The following DZANK1 variants were observed in gnomAD, a reference collection of about 807,000 sequenced individuals.
DZANK1 encodes the protein double zinc ribbon and ankyrin repeat-containing protein 1.
Under a neutral mutation model 94.5 loss-of-function variants are expected in DZANK1, and 91 were observed. The ratio of observed to expected loss-of-function variants is 0.96; its 90% CI spans 0.81 to 1.15. DZANK1 has a LOEUF of 1.15. DZANK1 is among the 50% of genes most tolerant of loss of function. The pLI, the probability that DZANK1 is intolerant of heterozygous loss-of-function variation, is 0.00. For synonymous variants in DZANK1, 312 were observed against 325.3 expected (o/e 0.96, Z 0.44); for missense variants, 903 against 916.4 (o/e 0.99, Z 0.19).
chr20:18,454,884 C>T (rs1449370381), intron 4 of DZANK1, among the ~76,000 whole-genome samples: 1 of 152,162 alleles, frequency 6.6e-6, no homozygotes, highest in African/African-American at 2.4e-5. Flanking sequence ...CAAACACACT[C>T]CAGTTTGGTT....
At chr20:18,411,671 A>G (rs929317648) in intron 13 of DZANK1, among the ~76,000 whole-genome samples, 3 of 152,254 alleles carry the variant, frequency 2.0e-5, no homozygotes, top group Admixed American at 6.5e-5. Context: ...CTGCAGACTA[A>G]TATCTCTTAT....
At chr20:18,409,376 G>C (rs994982834) in intron 13 of DZANK1, among the ~76,000 whole-genome samples, 2 of 152,130 alleles carry the variant, frequency 1.3e-5, no homozygotes, top group Admixed American at 1.3e-4. Context: ...ACGGAGGCCA[G>C]AAGACAGTAG....
intron 8 of DZANK1, among the ~76,000 whole-genome samples, chr20:18,437,917 A>C (rs2058583800): frequency 6.6e-6 from 1 of 152,112 alleles, no homozygotes; most frequent in Non-Finnish European, 1.5e-5. Flanking sequence ...TAAAAGTAAC[A>C]CAAAAGAAAT....
intron 14 of DZANK1, 32 bp downstream of exon 14, chr20:18,398,491 C>A (rs376467555): frequency 8.0e-5 from 128 of 1,601,440 alleles, no homozygotes; most frequent in Non-Finnish European, 1.0e-4. Context: ...ATCCCGTGGA[C>A]ACTTGTGGAG....
At chr20:18,452,092 T>C (rs2059125128) in intron 6 of DZANK1, 1 of 349,306 alleles carries the variant, frequency 2.9e-6, no homozygotes, top group South Asian at 2.3e-5. Flanking sequence ...TTTTTAACGA[T>C]GCTCAAACCC....
chr20:18,403,625 G>C (rs1019752282), intron 13 of DZANK1, among the ~76,000 whole-genome samples: 2 of 152,050 alleles, frequency 1.3e-5, no homozygotes, highest in African/African-American at 2.4e-5. Flanking sequence ...TCAGATCAGA[G>C]AAATAAACAG....
At chr20:18,423,604 CT>C (rs1261939320) in intron 10 of DZANK1, among the ~76,000 whole-genome samples, 1 of 152,092 alleles carries the variant, frequency 6.6e-6, no homozygotes, top group Non-Finnish European at 1.5e-5. Context: ...TTTAAAATAA[CT>C]GAAATTATAC....
At chr20:18,428,849 G>C (rs1265046696) in intron 9 of DZANK1, 1 of 152,180 alleles carries the variant, frequency 6.6e-6, no homozygotes, top group African/African-American at 2.4e-5. Flanking sequence ...GCCTTTTAAA[G>C]TCTGGTTAAC....
At chr20:18,433,834 A>C (rs770722716) in intron 8 of DZANK1, 69 bp from the exon 9 acceptor site, 181 of 1,393,344 alleles carry the variant, frequency 1.3e-4, no homozygotes, top group Non-Finnish European at 1.7e-4. Flanking sequence ...CTTAGAATGT[A>C]AGGTTTGGTC....
chr20:18,445,028 C>T (rs2058830527), intron 7 of DZANK1, among the ~76,000 whole-genome samples: 1 of 151,772 alleles, frequency 6.6e-6, no homozygotes, highest in African/African-American at 2.4e-5. Context: ...AAGATGATCT[C>T]GATCTCCTGA....
intron 13 of DZANK1, among the ~76,000 whole-genome samples, chr20:18,400,001 G>A (rs544398219): frequency 3.3e-5 from 5 of 152,312 alleles, no homozygotes; most frequent in South Asian, 2.1e-4. Flanking sequence ...ACAAGCCTGC[G>A]TTTAAATCCT....
intron 13 of DZANK1, among the ~76,000 whole-genome samples, chr20:18,406,210 C>G (rs978887192): frequency 6.6e-6 from 1 of 152,232 alleles, no homozygotes; most frequent in Non-Finnish European, 1.5e-5. Context: ...TAGGGAGACA[C>G]CAGCTGGCAT....
rs6136360 is a variant in DZANK1, at chr20:18,392,880, G to A, written c.1809+831C>T. On this transcript the variant is annotated intron_variant, in intron 17 of 20. Coordinates refer to ENST00000262547, the Ensembl canonical transcript of DZANK1. The stretch of plus-strand genomic sequence containing the variant: ...TTCTTTCCAGGGGAGCCCTGCAGAA[G>A]CTTAAATTAATCCATATGGAGGTTA... Among the ~76,000 whole-genome samples, 137 of 152,320 alleles carry A rather than the reference G, an allele frequency of 9.0e-4. 1 individual carries two copies. The East Asian group carries it at 0.025, about 27-fold the overall frequency.
intron 13 of DZANK1, among the ~76,000 whole-genome samples, chr20:18,402,165 T>C (rs1445353374): frequency 1.3e-5 from 2 of 152,038 alleles, no homozygotes; most frequent in Non-Finnish European, 2.9e-5. Flanking sequence ...TAGGGAGACA[T>C]GAGCAGGGCA....
At chr20:18,390,573 T>C in intron 17 of DZANK1, 114 bp from the exon 18 acceptor site, 1 of 941,056 alleles carries the variant, frequency 1.1e-6, no homozygotes, top group Non-Finnish European at 1.7e-6. Flanking sequence ...TATGAGTGTG[T>C]GCATGTGTGA....
exon 17 of DZANK1, chr20:18,393,718 T>C: frequency 1.2e-6 from 2 of 1,603,448 alleles, no homozygotes; most frequent in Non-Finnish European, 1.7e-6. Flanking sequence ...TACTATAAGC[T>C]GCTCCTTCTT....
intron 3 of DZANK1, 91 bp downstream of exon 3, chr20:18,460,062 C>A (rs2059421318): frequency 3.1e-6 from 3 of 955,402 alleles, no homozygotes; most frequent in South Asian, 2.9e-5. Context: ...CCTTCTAATG[C>A]AGCACTGATT....
chr20:18,434,485 T>C (rs924644344), intron 8 of DZANK1, among the ~76,000 whole-genome samples: 2 of 140,532 alleles, frequency 1.4e-5, no homozygotes, highest in Non-Finnish European at 3.0e-5. Context: ...GCAGAGGTTG[T>C]AGTGAGCCGA....
intron 9 of DZANK1, among the ~76,000 whole-genome samples, chr20:18,427,530 A>G (rs1008475748): frequency 1.3e-5 from 2 of 152,192 alleles, no homozygotes; most frequent in Non-Finnish European, 2.9e-5. Context: ...ACAAACAAAC[A>G]AACACACTGA....
Sources: allele counts gnomAD v4.1 joint callset (sites outside exome capture counted in the v4.1 genomes callset), GRCh38; gene constraint gnomAD v4.1.1; transcripts MANE v1.5; gene names NCBI Gene and HGNC (gene_info 2026-07-23, HGNC 2026-07-21).